DCT: variants seen among roughly 807,000 people sequenced by gnomAD.
The protein encoded by DCT is dopachrome tautomerase, also known as L-dopachrome tautomerase.
A neutral mutation model predicts 53.0 loss-of-function variants in DCT; 47 were observed. The observed-to-expected ratio is 0.89, with a 90% CI of 0.70 to 1.13. The LOEUF (loss-of-function observed/expected upper bound fraction) is 1.13. Ranked by LOEUF, DCT falls within the 50% of genes most tolerant of loss-of-function variation. The pLI is 0.00. For synonymous variants in DCT, 244 were observed against 237.0 expected (o/e 1.03, Z -0.27); for missense variants, 669 against 637.4 (o/e 1.05, Z -0.53).
At chr13:94,457,272 T>C (rs1594292395) in intron 6 of DCT, among the ~76,000 whole-genome samples, 1 of 152,204 alleles carries the variant, frequency 6.6e-6, no homozygotes, top group African/African-American at 2.4e-5. Context: ...TACTTGGAGA[T>C]AGAGCCTAGA....
the DCT span, among the ~76,000 whole-genome samples, chr13:94,549,065 C>G: frequency 2.6e-5 from 4 of 152,334 alleles, no homozygotes; most frequent in Admixed American, 6.5e-5. Context: ...AGCTGCCATC[C>G]TTCACCGGTG....
At chr13:94,520,182 G>A in the DCT span, among the ~76,000 whole-genome samples, 1 of 152,174 alleles carries the variant, frequency 6.6e-6, no homozygotes, top group Non-Finnish European at 1.5e-5. Context: ...TCAGCATGAA[G>A]TTCCATTTAA....
the DCT span, among the ~76,000 whole-genome samples, chr13:94,492,041 C>A: frequency 6.6e-6 from 1 of 152,150 alleles, no homozygotes; most frequent in Non-Finnish European, 1.5e-5. Flanking sequence ...TCTCACTGGA[C>A]AACCAGGGGT....
chr13:94,472,857 C>T (rs551476760), intron 1 of DCT, among the ~76,000 whole-genome samples: 7 of 151,900 alleles, frequency 4.6e-5, no homozygotes, highest in Non-Finnish European at 1.0e-4. Flanking sequence ...GTTGGGATTA[C>T]AGGCATGAGC....
intron 6 of DCT, among the ~76,000 whole-genome samples, chr13:94,446,966 G>T (rs963313947): frequency 6.6e-6 from 1 of 152,012 alleles, no homozygotes; most frequent in Admixed American, 6.6e-5. Flanking sequence ...TCCAAACAAG[G>T]TGACATTCTG....
the DCT span, among the ~76,000 whole-genome samples, chr13:94,524,110 C>A: frequency 0.49 from 74,003 of 152,016 alleles, 20,248 homozygotes; most frequent in African/African-American, 0.74. Context: ...GTTTCATCCC[C>A]AAAAAAGCTT....
rs1345721262 is a variant in DCT, at chr13:94,438,478, T to G, written c.*1420A>C. 1 of 412,938 alleles carries G rather than the reference T, an allele frequency of 2.4e-6. No individual in the cohort carries two copies. The allele number at this position is 412,938 out of a possible 1,614,324, so 25.6% of individuals were successfully genotyped here. ...CTGGTTCTTGATGAGTCTTGCACCC[T>G]CTAGGACCCCTTATGTTGAAGGCAG... is the stretch of plus-strand genomic sequence containing the variant. On this transcript the variant is annotated 3_prime_UTR_variant, in exon 8 of 8. Transcript: ENST00000377028.
chr13:94,467,830 A>G (rs868691570), intron 2 of DCT: 12 of 152,084 alleles, frequency 7.9e-5, no homozygotes, highest in East Asian at 3.9e-4. Flanking sequence ...CCTGACCCCA[A>G]TGAAGGACCC....
At chr13:94,511,173 G>A in the DCT span, among the ~76,000 whole-genome samples, 6 of 152,092 alleles carry the variant, frequency 3.9e-5, no homozygotes, top group Non-Finnish European at 8.8e-5. Flanking sequence ...TTCTTGATAA[G>A]GTGCTTATCT....
At chr13:94,484,408 C>G (rs1885576253), upstream of DCT, among the ~76,000 whole-genome samples, 1 of 152,240 alleles carries the variant, frequency 6.6e-6, no homozygotes, top group Non-Finnish European at 1.5e-5. Flanking sequence ...ATAGCTTTCA[C>G]AAGGCTGCCT....
the DCT span, among the ~76,000 whole-genome samples, chr13:94,500,790 G>T: frequency 1.3e-5 from 2 of 152,130 alleles, no homozygotes; most frequent in Non-Finnish European, 2.9e-5. Context: ...GAATAATGCT[G>T]CAGTAAACAT....
At chr13:94,503,224 CA>C in the DCT span, among the ~76,000 whole-genome samples, 1 of 151,818 alleles carries the variant, frequency 6.6e-6, no homozygotes, top group African/African-American at 2.4e-5. Context: ...ACTAAAAATA[CA>C]AAAAATTAGC....
the DCT span, among the ~76,000 whole-genome samples, chr13:94,534,709 T>C: frequency 6.6e-6 from 1 of 152,140 alleles, no homozygotes; most frequent in Non-Finnish European, 1.5e-5. Context: ...GGGCAGGGAG[T>C]GAGATCTTCA....
chr13:94,516,161 T>C, the DCT span, among the ~76,000 whole-genome samples: 1 of 151,006 alleles, frequency 6.6e-6, no homozygotes, highest in African/African-American at 2.4e-5. Context: ...CGGAGCTGTA[T>C]ATGGAAGAGG....
chr13:94,442,688 A>C (rs1251942292), intron 7 of DCT, among the ~76,000 whole-genome samples: 2 of 152,210 alleles, frequency 1.3e-5, no homozygotes, highest in African/African-American at 4.8e-5. Context: ...ACAGTAACTA[A>C]TGCAACATAC....
chr13:94,511,825 AGTGTGTGTGTGT>A, the DCT span, among the ~76,000 whole-genome samples: 2,230 of 143,798 alleles, frequency 0.016, 59 homozygotes, highest in African/African-American at 0.049. Context: ...CAGCATTGTC[AGTGTGTGTGTGT>A]GTGTGTGTGT....
chr13:94,524,704 C>T, the DCT span, among the ~76,000 whole-genome samples: 1 of 152,038 alleles, frequency 6.6e-6, no homozygotes, highest in Admixed American at 6.5e-5. Context: ...TCTGGAGAAC[C>T]CTAGTAGGGT....
At chr13:94,466,209 G>C (rs1388907770) in intron 3 of DCT, among the ~76,000 whole-genome samples, 1 of 151,594 alleles carries the variant, frequency 6.6e-6, no homozygotes, top group Non-Finnish European at 1.5e-5. Flanking sequence ...TGAATACATA[G>C]AGAGTTACAT....
At chr13:94,532,734 ATG>A in the DCT span, among the ~76,000 whole-genome samples, 7 of 152,238 alleles carry the variant, frequency 4.6e-5, no homozygotes, top group Non-Finnish European at 1.0e-4. Context: ...ATGTGTACCT[ATG>A]TAACAAACCT....
Sources: gnomAD v4.1 joint callset for allele counts (sites outside exome capture counted in the v4.1 genomes callset) on GRCh38, gnomAD v4.1.1 for gene constraint, MANE v1.5 for transcripts, NCBI Gene and HGNC (gene_info 2026-07-23, HGNC 2026-07-21) for gene names.